CUBN: variants seen among roughly 807,000 people sequenced by gnomAD.
CUBN encodes cubilin.
In CUBN, 282 loss-of-function variants were observed where a neutral mutation model predicts 405.3. The ratio of observed to expected loss-of-function variants is 0.70; its 90% CI spans 0.63 to 0.77. The LOEUF is 0.77. Among genes scored for constraint, CUBN ranks in the 30% least tolerant of loss-of-function variants. The probability of loss-of-function intolerance (pLI) is 0.00; values close to 1 mark genes in which losing one functional copy is unlikely to be tolerated. For missense variants in CUBN, 4,514 were observed against 4,475.2 expected, an observed-to-expected ratio of 1.01 and a Z score of -0.25; for synonymous variants, 1,684 against 1,617.0, an observed-to-expected ratio of 1.04 and a Z score of -0.99.
intron 56 of CUBN, among the ~76,000 whole-genome samples, chr10:16,882,958 G>C (rs1441660604): frequency 6.6e-6 from 1 of 151,938 alleles, no homozygotes; most frequent in Non-Finnish European, 1.5e-5. Flanking sequence ...AGGTTGCAGT[G>C]AGCTGAGATC....
intron 51 of CUBN, among the ~76,000 whole-genome samples, chr10:16,902,172 A>T (rs1428907582): frequency 7.3e-6 from 1 of 136,530 alleles, no homozygotes; most frequent in Non-Finnish European, 1.5e-5. Flanking sequence ...TATACTATAT[A>T]TAGTATATAT....
chr10:17,033,207 G>C (rs1439823024), intron 27 of CUBN, among the ~76,000 whole-genome samples: 1 of 152,174 alleles, frequency 6.6e-6, no homozygotes, highest in African/African-American at 2.4e-5. Context: ...CCACCTGAGA[G>C]CCTCACACTG....
chr10:16,970,797 T>A (rs1588534636), intron 31 of CUBN, among the ~76,000 whole-genome samples: 1 of 152,158 alleles, frequency 6.6e-6, no homozygotes, highest in African/African-American at 2.4e-5. Flanking sequence ...GATCTCAGTA[T>A]CTTTTTTATT....
chr10:17,071,493 A>G lies in CUBN; in HGVS notation c.2558T>C (p.Val853Ala), dbSNP rs199728931. The change falls in exon 19 of 67, where the codon GTC becomes GCC. Residue 853 changes from valine to alanine, a missense_variant. Coordinates refer to ENST00000377833, the MANE Select transcript of CUBN (RefSeq NM_001081.4). ...RWTIHQPQSQ[V>A]ILLNFTVFEI... ...AAAGACAGTGAAGTTGAGGAGAATG[A>G]CTTGGCTTTGGGGCTGGTGGATGGT... The G allele has an allele frequency of 8.1e-6, 13 of 1,614,014 alleles. No homozygotes were observed. The highest frequency in any genetic ancestry group is 1.1e-5 in the Non-Finnish European group (13 of 1,179,924).
chr10:17,101,050 G>A (rs1332665767), intron 13 of CUBN, among the ~76,000 whole-genome samples: 1 of 152,096 alleles, frequency 6.6e-6, no homozygotes, highest in Non-Finnish European at 1.5e-5. Flanking sequence ...ATTTTCATCA[G>A]AACCTAAAAT....
intron 62 of CUBN, 125 bp downstream of exon 62, chr10:16,840,205 C>T: frequency 1.2e-6 from 1 of 824,244 alleles, no homozygotes; most frequent in Middle Eastern, 3.3e-4. Context: ...CGCATGTACC[C>T]TAAAACTTAA....
At chr10:16,841,544 G>C (rs1241348307) in intron 60 of CUBN, among the ~76,000 whole-genome samples, 1 of 152,086 alleles carries the variant, frequency 6.6e-6, no homozygotes, top group Non-Finnish European at 1.5e-5. Flanking sequence ...ACAGCCAAAG[G>C]CATCACAATG....
intron 25 of CUBN, 131 bp downstream of exon 25, chr10:17,044,876 T>A: frequency 2.1e-6 from 2 of 958,194 alleles, no homozygotes; most frequent in Non-Finnish European, 3.3e-6. Context: ...ATGTTTTTAT[T>A]TTGTTTGAAT....
At chr10:16,977,022 G>A (rs763853143) in intron 31 of CUBN, among the ~76,000 whole-genome samples, 39 of 152,178 alleles carry the variant, frequency 2.6e-4, no homozygotes, top group Non-Finnish European at 5.1e-4. Flanking sequence ...TATAGCAAGT[G>A]TGCCAGGTAA....
chr10:17,023,869 A>G (rs751524231), intron 27 of CUBN, among the ~76,000 whole-genome samples: 8 of 152,218 alleles, frequency 5.3e-5, no homozygotes, highest in Admixed American at 1.3e-4. Flanking sequence ...GCCATTAAAT[A>G]TATCTTCAGA....
chr10:16,846,654 A>G (rs1312029974), intron 60 of CUBN, among the ~76,000 whole-genome samples: 1 of 152,084 alleles, frequency 6.6e-6, no homozygotes, highest in South Asian at 2.1e-4. Context: ...TCTACTAAAA[A>G]TACAAAAATT....
chr10:16,865,713 T>G (rs996773251), intron 59 of CUBN, among the ~76,000 whole-genome samples: 1 of 151,962 alleles, frequency 6.6e-6, no homozygotes, highest in Non-Finnish European at 1.5e-5. Context: ...GGCACTCTGA[T>G]AGGACAAAAA....
intron 58 of CUBN, among the ~76,000 whole-genome samples, chr10:16,872,614 A>G (rs1840393257): frequency 6.6e-6 from 1 of 152,180 alleles, no homozygotes; most frequent in Non-Finnish European, 1.5e-5. Flanking sequence ...AGAAAACAGG[A>G]GCTCACCAGA....
chr10:16,915,127 A>C lies in CUBN; in HGVS notation c.7256T>G (p.Ile2419Arg), dbSNP rs555624198. 4.3e-6 allele frequency: 7 copies of C among 1,614,030 alleles called. No individual in the cohort carries two copies. The highest frequency in any genetic ancestry group is 5.9e-6 in the Non-Finnish European group (7 of 1,179,910). Residue 2419 changes from isoleucine to arginine, a missense_variant, in exon 47 of 67, where the codon ATA becomes AGA. Ile to Arg is a moderately conservative substitution (Grantham distance 97). Around this residue, in one of 5 missense-constraint regions of CUBN, gnomAD observed 1,613 missense variants for 1,542.8 expected, o/e 1.05. Coordinates refer to ENST00000377833, the MANE Select transcript of CUBN (RefSeq NM_001081.4). Reference protein sequence around the residue: ...RYCGNTIPDSIDTSSNTAVVR... With the variant: ...RYCGNTIPDSRDTSSNTAVVR... ...CACAGCAGTATTGCTAGAAGTGTCT[A>C]TGCTGTCAGGAATGGTGTTTCCACA...
chr10:16,975,519 C>T (rs1051447902), intron 31 of CUBN, among the ~76,000 whole-genome samples: 1 of 152,040 alleles, frequency 6.6e-6, no homozygotes, highest in African/African-American at 2.4e-5. Context: ...AAGAAAAGAA[C>T]ACCATGCAGA....
intron 28 of CUBN, among the ~76,000 whole-genome samples, chr10:17,011,154 C>T (rs977127432): frequency 3.3e-5 from 5 of 152,200 alleles, no homozygotes; most frequent in African/African-American, 1.2e-4. Flanking sequence ...ACAAGCACTA[C>T]ATGTTCCAGG....
intron 54 of CUBN, among the ~76,000 whole-genome samples, chr10:16,895,504 T>C (rs1238371621): frequency 6.6e-6 from 1 of 152,210 alleles, no homozygotes; most frequent in African/African-American, 2.4e-5. Context: ...TCCTCAGCTA[T>C]AACCGAAGAT....
At chr10:16,850,537 T>A (rs1254597350) in intron 60 of CUBN, among the ~76,000 whole-genome samples, 3 of 152,224 alleles carry the variant, frequency 2.0e-5, no homozygotes, top group Non-Finnish European at 4.4e-5. Flanking sequence ...AGTGGCGAGA[T>A]CTCAGCTCAC....
chr10:16,867,060 G>T (rs1311911057), intron 59 of CUBN, among the ~76,000 whole-genome samples: 2 of 152,172 alleles, frequency 1.3e-5, no homozygotes, highest in African/African-American at 2.4e-5. Context: ...AATCTAAATA[G>T]CAAATCTGCA....
Sources: gnomAD v4.1 joint callset for allele counts (sites outside exome capture counted in the v4.1 genomes callset) on GRCh38, gnomAD v4.1.1 for gene constraint, gnomAD v4.1.1 regional missense constraint, MANE v1.5 for transcripts, NCBI Gene and HGNC (gene_info 2026-07-23, HGNC 2026-07-21) for gene names.